TRMT6: variants seen among roughly 807,000 people sequenced by gnomAD.
TRMT6 encodes tRNA methyltransferase 6 non-catalytic subunit.
A neutral mutation model predicts 59.0 loss-of-function variants in TRMT6; 34 were observed. The observed-to-expected ratio is 0.58, with a 90% confidence interval of 0.44 to 0.77. The LOEUF (loss-of-function observed/expected upper bound fraction) is 0.77, where lower values mean the gene tolerates loss of function less well. TRMT6 is among the 30% of genes least tolerant of loss of function. TRMT6 has a pLI of 0.00. For synonymous variants in TRMT6, 217 were observed against 210.5 expected, an observed-to-expected ratio of 1.03 and a Z score of -0.27; for missense variants, 575 against 604.5, an observed-to-expected ratio of 0.95 and a Z score of 0.51.
At chr20:5,940,000 G>C (rs2088642241) in intron 10 of TRMT6, among the ~76,000 whole-genome samples, 2 of 152,222 alleles carry the variant, frequency 1.3e-5, no homozygotes, top group Admixed American at 6.5e-5. Flanking sequence ...TACCGAGGGA[G>C]GCCATGGGTT....
Position 5,942,770 on chromosome 20 carries a change from A to C in TRMT6, c.684T>G (p.Ile228Met), listed in dbSNP as rs767746595. Reference sequence around the variant, plus strand: ...CAGGTCCTCCTCCAGGGTATAGCTGAATAATGGAGCCAAAACCTGAACAGA... The same window carrying C: ...CAGGTCCTCCTCCAGGGTATAGCTGCATAATGGAGCCAAAACCTGAACAGA... ...MERMGGFGSI[I>M]QLYPGGGPVR... Residue 228 changes from isoleucine (I) to methionine (M), a missense_variant, in exon 7 of 11, where the codon ATT (isoleucine) becomes ATG (methionine). Coordinates refer to ENST00000203001, the MANE Select transcript of TRMT6 (RefSeq NM_015939.5). The C allele has an allele frequency of 1.2e-6, 2 of 1,612,834 alleles. No homozygotes were observed. Among genetic ancestry groups the C allele is most frequent in the South Asian group, 1.1e-5 (1 of 91,048 alleles).
intron 6 of TRMT6, 67 bp downstream of exon 6, chr20:5,943,492 C>T: frequency 6.3e-7 from 1 of 1,588,418 alleles, no homozygotes; most frequent in Non-Finnish European, 8.6e-7. Context: ...CATGAGTTTA[C>T]ATTTTTGGAC....
chr20:5,939,623 T>C (rs999043099), intron 10 of TRMT6, among the ~76,000 whole-genome samples: 3 of 152,158 alleles, frequency 2.0e-5, no homozygotes, highest in Non-Finnish European at 4.4e-5. Context: ...GCATATAGCT[T>C]TCTTTCTCCT....
rs763212754 is a variant in TRMT6, at chr20:5,943,947, C to T, written c.542+1G>A. 2 of 1,606,174 alleles carry T rather than the reference C, an allele frequency of 1.2e-6. No individual in the cohort carries two copies. The highest frequency in any genetic ancestry group is 2.7e-5 in the African/African-American group (2 of 74,520). On this transcript the variant is annotated splice_donor_variant, in intron 5 of 10. Transcript: ENST00000203001. LOFTEE classifies it high-confidence loss of function. The stretch of plus-strand genomic sequence containing the variant: ...TACTTTTGAAAGGAAACAAAGCGTA[C>T]TTAATTTTTCCAGGTTCTCTTGCAT...
intron 10 of TRMT6, 124 bp downstream of exon 10, chr20:5,940,928 TG>T: frequency 1.3e-6 from 1 of 783,640 alleles, no homozygotes; most frequent in Non-Finnish European, 2.2e-6. Context: ...CCCAAAGTGC[TG>T]GGATTACAGG....
Position 5,944,033 on chromosome 20 carries a change from TGGG to T in TRMT6, c.459-5_459-3del. Reference sequence around the variant, plus strand: ...ACAACAGTAATGATGGCTTCATATCTGGGGGAAGAAAAAACAGAACGCTGATTT... The same window carrying T: ...ACAACAGTAATGATGGCTTCATATCTGGAAGAAAAAACAGAACGCTGATTT... On this transcript the variant is annotated splice_polypyrimidine_tract_variant and splice_region_variant and intron_variant, in intron 4 of 10. Coordinates refer to ENST00000203001, the MANE Select transcript of TRMT6 (RefSeq NM_015939.5). The T allele has an allele frequency of 2.5e-6, 4 of 1,576,214 alleles. No individual in the cohort carries two copies. Among genetic ancestry groups the T allele is most frequent in the Non-Finnish European group, 3.4e-6 (4 of 1,162,488 alleles).
intron 1 of TRMT6, among the ~76,000 whole-genome samples, chr20:5,948,781 A>G (rs2088732958): frequency 6.6e-6 from 1 of 152,228 alleles, no homozygotes; most frequent in South Asian, 2.1e-4. Context: ...CATACCCCTC[A>G]TAAAAGAAAC....
Position 5,944,798 on chromosome 20 carries a change from A to C in TRMT6, c.366+7T>G, listed in dbSNP as rs777613042. ...AAAAACAAAACTAAAAATCCTTTGA[A>C]TATTACCTCTCCTTTAATGCCCTTG... On this transcript the variant is annotated splice_region_variant and intron_variant, in intron 3 of 10. Transcript: ENST00000203001. The C allele has an allele frequency of 1.9e-6, 3 of 1,604,990 alleles. No individual in the cohort carries two copies. Among genetic ancestry groups the C allele is most frequent in the Non-Finnish European group, 2.6e-6 (3 of 1,173,168 alleles).
Position 5,941,993 on chromosome 20 carries a change from T to A in TRMT6, c.1070A>T (p.His357Leu). The change falls in exon 8 of 11, where the codon CAT becomes CTT. Residue 357 changes from histidine to leucine, a missense_variant. By Grantham distance (99) the His-to-Leu change is moderately conservative. Transcript: ENST00000203001. ...ACTCAGCAGAGCGGCAGCCTCTAAA[T>A]GTCTTTTCCTCTGCTCTTCTTGTCT... is the stretch of plus-strand genomic sequence containing the variant. ...QRRQEEQRKR[H>L]LEAAALLSER... 6.2e-7 allele frequency: 1 copy of A among 1,613,502 alleles called. No homozygotes were observed. Among genetic ancestry groups the A allele is most frequent in the African/African-American group, 1.3e-5 (1 of 75,056 alleles).
At position 5,938,850 on chromosome 20, in the gene TRMT6, T is replaced by C. The variant is rs55977664; in HGVS notation, c.1303-124A>G. The C allele has an allele frequency of 5.4e-3, 4,635 of 857,966 alleles. 72 individuals carry two copies. Among genetic ancestry groups the C allele is most frequent in the African/African-American group, 0.043 (2,496 of 58,262 alleles). The allele number at this position is 857,966 out of a possible 1,614,324, so 53.1% of individuals were successfully genotyped here. On this transcript the variant is annotated intron_variant, in intron 10 of 10. Transcript: ENST00000203001. ...TCTTGATGATTTAAATGGACATTTT[T>C]TTTTCTTTCTTTTCTTTTCCCTCCC... is the stretch of plus-strand genomic sequence containing the variant.
chr20:5,942,213 A>G, intron 7 of TRMT6, 177 bp from the exon 8 acceptor site: 1 of 711,782 alleles, frequency 1.4e-6, no homozygotes, highest in South Asian at 1.8e-5. Flanking sequence ...TATAAAAACC[A>G]TGATTAAGCT....
intron 1 of TRMT6, among the ~76,000 whole-genome samples, chr20:5,948,935 G>T (rs925966106): frequency 3.3e-5 from 5 of 152,128 alleles, no homozygotes; most frequent in African/African-American, 1.2e-4. Flanking sequence ...AGGAGTAAAA[G>T]AATTCATCTG....
At position 5,950,470 on chromosome 20, in the gene TRMT6, A is replaced by G; in HGVS notation, c.-65T>C. The stretch of plus-strand genomic sequence containing the variant: ...CTCCTCCTCGGTTGTCGCCACCGCC[A>G]GCCTCACTTCCCACAACCTGGCGCA... On this transcript the variant is annotated 5_prime_UTR_variant, in exon 1 of 11. Transcript: ENST00000203001. 3 of 1,505,414 alleles carry G rather than the reference A, an allele frequency of 2.0e-6. No individual in the cohort carries two copies. The highest frequency in any genetic ancestry group is 2.7e-6 in the Non-Finnish European group (3 of 1,127,086). 93.3% of individuals were successfully genotyped at this position (1,505,414 alleles called of 1,614,324 possible).
chr20:5,943,292 T>A (rs1245682352), intron 6 of TRMT6, among the ~76,000 whole-genome samples: 1 of 152,150 alleles, frequency 6.6e-6, no homozygotes, highest in African/African-American at 2.4e-5. Flanking sequence ...CCGAAAGCCC[T>A]AGCCAGCCAC....
chr20:5,940,914 GCCTC>G, intron 10 of TRMT6, 135 bp downstream of exon 10: 2 of 701,768 alleles, frequency 2.8e-6, no homozygotes, highest in Non-Finnish European at 5.0e-6. Context: ...GCCTGCCTTG[GCCTC>G]CCAAAGTGCT....
At position 5,941,039 on chromosome 20, in the gene TRMT6, G is replaced by A. The variant is rs755282474; in HGVS notation, c.1302+14C>T. ...GGGAGGGCAGCTCTTGGGACTGGCT[G>A]TAAGAACACGTACCTGATAATTTCT... On this transcript the variant is annotated intron_variant, in intron 10 of 10. Transcript: ENST00000203001. The A allele has an allele frequency of 3.1e-6, 5 of 1,608,652 alleles. No homozygotes were observed. Among genetic ancestry groups the A allele is most frequent in the South Asian group, 2.2e-5 (2 of 90,982 alleles).
intron 1 of TRMT6, 47 bp downstream of exon 1, chr20:5,950,231 C>G (rs752843595): frequency 6.6e-6 from 10 of 1,522,368 alleles, no homozygotes; most frequent in Non-Finnish European, 8.9e-6. Flanking sequence ...GAGGGGGTAT[C>G]TACAAGGTGG....
Position 5,947,451 on chromosome 20 carries a change from C to T in TRMT6, c.129-918G>A, listed in dbSNP as rs115076653. 1.9e-3 allele frequency among the ~76,000 whole-genome samples: 293 copies of T among 152,316 alleles called. 2 individuals carry two copies. The highest frequency in any genetic ancestry group is 6.8e-3 in the African/African-American group (284 of 41,554). On this transcript the variant is annotated intron_variant, in intron 1 of 10. Transcript: ENST00000203001. ...TATACTGCCACATCACCCACGCTCCCGTGTCAGAGGCTTACCACCATTGCT... is the reference window on the plus strand; with the variant it reads ...TATACTGCCACATCACCCACGCTCCTGTGTCAGAGGCTTACCACCATTGCT...
chr20:5,940,976 A>T, intron 10 of TRMT6, 77 bp downstream of exon 10: 1 of 1,137,234 alleles, frequency 8.8e-7, no homozygotes, highest in Non-Finnish European at 1.3e-6. Context: ...AACTCTATTT[A>T]ATGACTTCTA....
Sources: gnomAD v4.1 joint callset for allele counts (sites outside exome capture counted in the v4.1 genomes callset) on GRCh38, gnomAD v4.1.1 for gene constraint, MANE v1.5 for transcripts, NCBI Gene and HGNC (gene_info 2026-07-23, HGNC 2026-07-21) for gene names.